The following NEK10 variants were observed in gnomAD, a reference collection of about 807,000 sequenced individuals.
The protein encoded by NEK10 is serine/threonine-protein kinase Nek10.
A neutral mutation model predicts 159.8 loss-of-function variants in NEK10; 122 were observed. That is an observed-to-expected ratio of 0.76 (90% CI 0.66 to 0.89). The LOEUF (loss-of-function observed/expected upper bound fraction) is 0.89, where lower values mean the gene tolerates loss of function less well. NEK10 is among the 40% of genes least tolerant of loss of function. The pLI is 0.00. For missense variants in NEK10, 1,342 were observed against 1,323.1 expected (o/e 1.01, Z -0.22); for synonymous variants, 466 against 457.1 (o/e 1.02, Z -0.25).
intron 26 of NEK10, among the ~76,000 whole-genome samples, chr3:27,179,247 T>C (rs931298105): frequency 6.6e-6 from 1 of 152,198 alleles, no homozygotes; most frequent in African/African-American, 2.4e-5. Context: ...AAAGAAAATA[T>C]TCTCTTTAGG....
chr3:27,322,886 T>C (rs902785225), intron 5 of NEK10, among the ~76,000 whole-genome samples: 1 of 152,206 alleles, frequency 6.6e-6, no homozygotes, highest in Non-Finnish European at 1.5e-5. Flanking sequence ...CAGTTGTTCA[T>C]GCTGTATCTG....
At chr3:27,229,100 T>C (rs776134562) in intron 23 of NEK10, among the ~76,000 whole-genome samples, 1 of 152,060 alleles carries the variant, frequency 6.6e-6, no homozygotes, top group Non-Finnish European at 1.5e-5. Flanking sequence ...AATAAATAAA[T>C]AAAGTTTGCA....
At chr3:27,252,342 C>A in intron 23 of NEK10, 1 of 359,092 alleles carries the variant, frequency 2.8e-6, no homozygotes, top group Admixed American at 2.8e-5. Flanking sequence ...AAGAAGTAAA[C>A]TCTGCAGCTA....
chr3:27,196,678 C>A (rs987073049), intron 25 of NEK10, among the ~76,000 whole-genome samples: 3 of 152,156 alleles, frequency 2.0e-5, no homozygotes, highest in African/African-American at 7.2e-5. Flanking sequence ...TCTATTTGCC[C>A]AGATTCACAA....
chr3:27,135,422 T>G (rs1223809196), intron 31 of NEK10, among the ~76,000 whole-genome samples: 1 of 152,232 alleles, frequency 6.6e-6, no homozygotes, highest in African/African-American at 2.4e-5. Context: ...TTGTTTTTAC[T>G]ATACTACACA....
At chr3:27,151,835 T>C (rs1267750809) in intron 30 of NEK10, among the ~76,000 whole-genome samples, 1 of 152,252 alleles carries the variant, frequency 6.6e-6, no homozygotes, top group East Asian at 1.9e-4. Context: ...CAGGTAACAT[T>C]GGACACACTT....
At chr3:27,250,737 G>A (rs187573610) in intron 23 of NEK10, among the ~76,000 whole-genome samples, 97 of 151,970 alleles carry the variant, frequency 6.4e-4, no homozygotes, top group Non-Finnish European at 1.2e-3. Context: ...AATATGTCAT[G>A]CCACTCTCTT....
rs11351970 is a variant in NEK10 at position 27,331,237 on chromosome 3, C to CAAAAAAAAAAAAAAAAAAA, written c.363-8977_363-8976insTTTTTTTTTTTTTTTTTTT. Among the ~76,000 whole-genome samples the CAAAAAAAAAAAAAAAAAAA allele has an allele frequency of 9.1e-4, 27 of 29,578 alleles. 1 individual carries two copies. The highest frequency in any genetic ancestry group is 1.2e-3 in the African/African-American group (20 of 17,204). 19.4% of individuals were successfully genotyped at this position (29,578 alleles called of 152,430 possible). A position where few individuals can be genotyped will look rare whatever the true frequency, so the allele number is the denominator to read the frequency against. On this transcript the variant is annotated intron_variant, in intron 5 of 35. Transcript: ENST00000691995. ...TGGGTGATAAAGTAAGACTCTGTCT[C>CAAAAAAAAAAAAAAAAAAA]AAAAAAAAAAAAACAAAAAAAAAAA...
rs553671178 is a variant in NEK10, at chr3:27,150,943, G to C, written c.2870-9361C>G. Reference sequence around the variant, plus strand: ...GAGAGGATTCACAGACCCTCTGAAGGAAGCAGACTGCTCCTGCAGGACCTA... The same window carrying C: ...GAGAGGATTCACAGACCCTCTGAAGCAAGCAGACTGCTCCTGCAGGACCTA... On this transcript the variant is annotated intron_variant, in intron 30 of 35. Transcript: ENST00000691995. Among the ~76,000 whole-genome samples, 199 of 152,248 alleles carry C rather than the reference G, an allele frequency of 1.3e-3. 1 individual carries two copies. The Middle Eastern group carries it at 0.027, about 21-fold the overall frequency.
At chr3:27,341,228 G>A (rs2047181471) in intron 5 of NEK10, among the ~76,000 whole-genome samples, 1 of 152,148 alleles carries the variant, frequency 6.6e-6, no homozygotes, top group African/African-American at 2.4e-5. Context: ...GGGATAAACA[G>A]GTAGGTTAAC....
chr3:27,236,205 A>C (rs1953898670), intron 23 of NEK10, among the ~76,000 whole-genome samples: 1 of 152,134 alleles, frequency 6.6e-6, no homozygotes, highest in Non-Finnish European at 1.5e-5. Flanking sequence ...ATGGATGCTA[A>C]GTTTAATACC....
At chr3:27,186,830 G>T (rs1948665700) in intron 26 of NEK10, among the ~76,000 whole-genome samples, 1 of 152,144 alleles carries the variant, frequency 6.6e-6, no homozygotes, top group Admixed American at 6.5e-5. Context: ...CTGAGATAGG[G>T]TCCCCTAGTG....
chr3:27,123,718 G>C (rs1941598309), intron 32 of NEK10, among the ~76,000 whole-genome samples: 1 of 152,124 alleles, frequency 6.6e-6, no homozygotes, highest in South Asian at 2.1e-4. Context: ...GGAGGTAGCA[G>C]ATAGATTTGA....
intron 1 of NEK10, among the ~76,000 whole-genome samples, chr3:27,365,512 T>A (rs1382663927): frequency 6.6e-6 from 1 of 151,978 alleles, no homozygotes; most frequent in Admixed American, 6.6e-5. Flanking sequence ...GTTTGACCTA[T>A]AGATAAGTAA....
intron 1 of NEK10, among the ~76,000 whole-genome samples, chr3:27,360,266 C>T (rs796865826): frequency 2.2e-4 from 34 of 152,236 alleles, no homozygotes; most frequent in African/African-American, 7.9e-4. Context: ...ACCCTCCAGG[C>T]CCAAGAACAG....
In NEK10 at chr3:27,270,349, T is replaced by C. The variant is rs141423700; in HGVS notation, c.2015-13978A>G. ...CCAGAACCCATTGCCAGCCATGGTA[T>C]TGAGCCTTCTTGGAAGCTGACCCTC... On this transcript the variant is annotated intron_variant, in intron 22 of 35. Transcript: ENST00000691995. Among the ~76,000 whole-genome samples, 445 of 152,252 alleles carry C rather than the reference T, an allele frequency of 2.9e-3. 3 individuals carry two copies. Among genetic ancestry groups the C allele is most frequent in the African/African-American group, 9.0e-3 (375 of 41,536 alleles).
At chr3:27,357,877 G>A (rs1575916674) in intron 1 of NEK10, among the ~76,000 whole-genome samples, 1 of 152,236 alleles carries the variant, frequency 6.6e-6, no homozygotes, top group East Asian at 1.9e-4. Context: ...GCGAGAGTGA[G>A]GCTGGGAAAG....
rs544951074 is a variant in NEK10, at chr3:27,175,074, G to T, written c.2506-241C>A. 5.8e-4 allele frequency among the ~76,000 whole-genome samples: 89 copies of T among 152,272 alleles called. 1 individual carries two copies. The highest frequency in any genetic ancestry group is 2.1e-3 in the African/African-American group (88 of 41,558). ...AGGATGGAAGTGGCAAGAGTGTTCA[G>T]TAGAAAAGGCCCATATAACCCAGTA... On this transcript the variant is annotated intron_variant, in intron 26 of 35. Coordinates refer to ENST00000691995, the MANE Select transcript of NEK10 (RefSeq NM_001394966.1).
chr3:27,213,678 C>T (rs187882766), intron 23 of NEK10, among the ~76,000 whole-genome samples: 239 of 152,248 alleles, frequency 1.6e-3, no homozygotes, highest in African/African-American at 5.3e-3. Context: ...TCAGGCACAG[C>T]TGATCAGCAT....
Sources: allele counts gnomAD v4.1 joint callset (sites outside exome capture counted in the v4.1 genomes callset), GRCh38; gene constraint gnomAD v4.1.1; transcripts MANE v1.5; gene names NCBI Gene and HGNC (gene_info 2026-07-23, HGNC 2026-07-21).